MARCHF1: variants seen among roughly 807,000 people sequenced by gnomAD.
MARCHF1 encodes membrane associated ring-CH-type finger 1.
In MARCHF1, 40 loss-of-function variants were observed where a neutral mutation model predicts 54.2. The ratio of observed to expected loss-of-function variants is 0.74; its 90% confidence interval spans 0.57 to 0.96. The LOEUF is 0.96. Among genes scored for constraint, MARCHF1 ranks in the 40% least tolerant of loss-of-function variants. The pLI is 0.00. For synonymous variants in MARCHF1, 236 were observed against 236.3 expected (o/e 1.00, Z 0.01); for missense variants, 586 against 656.5 (o/e 0.89, Z 1.17).
intron 5 of MARCHF1, among the ~76,000 whole-genome samples, chr4:163,683,882 T>C (rs1744185610): frequency 6.7e-6 from 1 of 149,146 alleles, no homozygotes; most frequent in Non-Finnish European, 1.5e-5. Context: ...GCAGACATCA[T>C]GTGGAGGCTC....
intron 7 of MARCHF1, among the ~76,000 whole-genome samples, chr4:163,606,787 G>T (rs1347917145): frequency 6.6e-6 from 1 of 151,952 alleles, no homozygotes; most frequent in Non-Finnish European, 1.5e-5. Context: ...ATTTGGAGGG[G>T]TTGCCGATGG....
intron 7 of MARCHF1, among the ~76,000 whole-genome samples, chr4:163,607,504 C>A (rs1466692233): frequency 3.9e-5 from 6 of 151,996 alleles, no homozygotes; most frequent in African/African-American, 1.4e-4. Flanking sequence ...AAGCAATAAC[C>A]AAACCATGAC....
At chr4:163,873,194 T>G (rs17044249) in intron 3 of MARCHF1, among the ~76,000 whole-genome samples, 23,628 of 152,216 alleles carry the variant, frequency 0.16, 2,003 homozygotes, top group Non-Finnish European at 0.18. Context: ...ATTAGACTGG[T>G]AAAACTGGAG....
intron 1 of MARCHF1, among the ~76,000 whole-genome samples, chr4:164,142,268 C>A (rs928896965): frequency 9.9e-5 from 15 of 152,192 alleles, no homozygotes; most frequent in Non-Finnish European, 1.6e-4. Context: ...ATTGCCCAGG[C>A]TTGCTTAGGT....
chr4:163,630,490 G>A (rs1459677762), intron 5 of MARCHF1, among the ~76,000 whole-genome samples: 3 of 152,158 alleles, frequency 2.0e-5, no homozygotes, highest in Admixed American at 6.5e-5. Context: ...AATGTTCTAC[G>A]TCTTGATTGC....
chr4:164,043,647 T>C (rs1298051609), intron 2 of MARCHF1, among the ~76,000 whole-genome samples: 1 of 152,214 alleles, frequency 6.6e-6, no homozygotes, highest in Non-Finnish European at 1.5e-5. Context: ...TTGTCACTTA[T>C]GCAAACTTCT....
At chr4:164,379,628 G>A (rs541928688) in intron 1 of MARCHF1, among the ~76,000 whole-genome samples, 1 of 152,238 alleles carries the variant, frequency 6.6e-6, no homozygotes, top group East Asian at 1.9e-4. Flanking sequence ...CAGAGACAAA[G>A]ACACATTTAC....
intron 1 of MARCHF1, among the ~76,000 whole-genome samples, chr4:164,315,412 C>T (rs1166878762): frequency 6.6e-6 from 1 of 152,054 alleles, no homozygotes; most frequent in African/African-American, 2.4e-5. Context: ...ATGTTTGTAT[C>T]AAAGTTTTCT....
At chr4:164,068,172 A>C (rs1041869489) in intron 2 of MARCHF1, among the ~76,000 whole-genome samples, 8 of 152,226 alleles carry the variant, frequency 5.3e-5, no homozygotes, top group African/African-American at 1.9e-4. Flanking sequence ...AGATTTCCCA[A>C]AGAACTTAAA....
chr4:164,346,652 A>G (rs182768816), intron 1 of MARCHF1, among the ~76,000 whole-genome samples: 14 of 24,750 alleles, frequency 5.7e-4, no homozygotes, highest in South Asian at 9.8e-4. Context: ...ATATATATAT[A>G]TATATATATA....
At position 164,215,369 on chromosome 4, in the gene MARCHF1, G is replaced by C. The variant is rs112027605; in HGVS notation, c.-322-103707C>G. ...GTCCAGCTGCTTGTTTTCTTCCACC[G>C]ATGCATTCCTCTCCATGTCCAACTG... On this transcript the variant is annotated intron_variant, in intron 1 of 9. Transcript: ENST00000514618. Among the ~76,000 whole-genome samples, 8 of 152,066 alleles carry C rather than the reference G, an allele frequency of 5.3e-5. No individual in the cohort carries two copies. The East Asian group carries it at 1.5e-3, about 29-fold the overall frequency.
At chr4:163,716,097 T>C (rs752908468) in intron 4 of MARCHF1, among the ~76,000 whole-genome samples, 9 of 152,196 alleles carry the variant, frequency 5.9e-5, no homozygotes, top group Non-Finnish European at 8.8e-5. Context: ...CATATACTTA[T>C]GTAACTAGCT....
intron 2 of MARCHF1, among the ~76,000 whole-genome samples, chr4:164,058,734 C>T (rs1376040235): frequency 6.6e-6 from 1 of 152,022 alleles, no homozygotes; most frequent in African/African-American, 2.4e-5. Context: ...AAATTGACAA[C>T]TTTCATGAGG....
At chr4:164,337,004 G>A (rs1729758339) in intron 1 of MARCHF1, among the ~76,000 whole-genome samples, 2 of 151,998 alleles carry the variant, frequency 1.3e-5, no homozygotes, top group South Asian at 4.2e-4. Context: ...AAGAGAGGAG[G>A]GAAGGAGGGA....
chr4:163,780,298 A>T (rs144576754), intron 4 of MARCHF1, among the ~76,000 whole-genome samples: 8 of 152,220 alleles, frequency 5.3e-5, no homozygotes, highest in African/African-American at 1.9e-4. Context: ...AAAGCTGTCA[A>T]ATTAGCTTAT....
At chr4:164,313,121 G>A (rs759301915) in intron 1 of MARCHF1, among the ~76,000 whole-genome samples, 3 of 150,638 alleles carry the variant, frequency 2.0e-5, no homozygotes, top group Non-Finnish European at 2.9e-5. Context: ...GGCACATTAC[G>A]AGGTCAGGAG....
At chr4:163,848,792 T>C (rs1441940666) in intron 4 of MARCHF1, among the ~76,000 whole-genome samples, 1 of 152,186 alleles carries the variant, frequency 6.6e-6, no homozygotes, top group Non-Finnish European at 1.5e-5. Context: ...TTATTCATTA[T>C]GAAAGATTTT....
chr4:163,749,633 A>C (rs1311609301), intron 4 of MARCHF1, among the ~76,000 whole-genome samples: 1 of 152,096 alleles, frequency 6.6e-6, no homozygotes, highest in African/African-American at 2.4e-5. Flanking sequence ...TTTTGTCATA[A>C]ATAGCTATCA....
At chr4:164,145,390 T>C (rs1161442437) in intron 1 of MARCHF1, among the ~76,000 whole-genome samples, 1 of 151,950 alleles carries the variant, frequency 6.6e-6, no homozygotes, top group East Asian at 1.9e-4. Context: ...TTTAGACCAA[T>C]ATCCTTGATG....
Sources: gnomAD v4.1 joint callset for allele counts (sites outside exome capture counted in the v4.1 genomes callset) on GRCh38, gnomAD v4.1.1 for gene constraint, MANE v1.5 for transcripts, NCBI Gene and HGNC (gene_info 2026-07-23, HGNC 2026-07-21) for gene names.